The following SEL1L3 variants were observed in gnomAD, a reference collection of about 807,000 sequenced individuals.
The protein encoded by SEL1L3 is SEL1L family member 3.
In SEL1L3, 76 loss-of-function variants were observed where a neutral mutation model predicts 142.8. The ratio of observed to expected loss-of-function variants is 0.53; its 90% confidence interval spans 0.44 to 0.64. SEL1L3 has a LOEUF of 0.64. SEL1L3 is among the 30% of genes least tolerant of loss of function. The pLI, the probability that SEL1L3 is intolerant of heterozygous loss-of-function variation, is 0.00. For synonymous variants in SEL1L3, 504 were observed against 519.6 expected (o/e 0.97, Z 0.41); for missense variants, 1,262 against 1,381.7 (o/e 0.91, Z 1.37).
intron 4 of SEL1L3, 57 bp from the exon 5 acceptor site, chr4:25,833,167 A>G: frequency 1.0e-6 from 1 of 995,294 alleles, no homozygotes; most frequent in Non-Finnish European, 1.6e-6. Flanking sequence ...GAGTGAATGA[A>G]GTAGCTAGGC....
Position 25,755,466 on chromosome 4 carries a change from G to A in SEL1L3, c.3259+2068C>T, listed in dbSNP as rs77843280. Among the ~76,000 whole-genome samples, 424 of 152,094 alleles carry A rather than the reference G, an allele frequency of 2.8e-3. 18 individuals carry two copies. In the East Asian group the frequency reaches 0.058, roughly 21 times the overall value. The stretch of plus-strand genomic sequence containing the variant: ...CCTCTCTGCCTCAGTTTCCTCATCT[G>A]TAAAGTAAAGGGCATAGAATTAAAT... On this transcript the variant is annotated intron_variant, in intron 23 of 23. Coordinates refer to ENST00000399878, the MANE Select transcript of SEL1L3 (RefSeq NM_015187.5).
chr4:25,795,848 AG>A (rs1712698907), intron 11 of SEL1L3, among the ~76,000 whole-genome samples: 1 of 152,106 alleles, frequency 6.6e-6, no homozygotes, highest in Non-Finnish European at 1.5e-5. Context: ...GACCTTTAAA[AG>A]GAAAGTGTTC....
At chr4:25,839,977 CT>C (rs992691373) in intron 2 of SEL1L3, among the ~76,000 whole-genome samples, 1 of 152,102 alleles carries the variant, frequency 6.6e-6, no homozygotes, top group African/African-American at 2.4e-5. Context: ...AAAAATTCAA[CT>C]TTAAAAAAAG....
intron 16 of SEL1L3, chr4:25,777,754 C>G (rs1719731941): frequency 2.3e-6 from 1 of 444,344 alleles, no homozygotes; most frequent in African/African-American, 2.0e-5. Context: ...TAAAAAACTT[C>G]AAGTCAGTCT....
Position 25,847,294 on chromosome 4 carries a change from C to T in SEL1L3, c.733G>A (p.Asp245Asn), listed in dbSNP as rs748036148. Residue 245 changes from aspartate to asparagine, a missense_variant and splice_region_variant, in exon 2 of 24, where the codon GAT (aspartate) becomes AAT (asparagine). By Grantham distance (23) the Asp-to-Asn change is conservative (BLOSUM62 1). Coordinates refer to ENST00000399878, the MANE Select transcript of SEL1L3 (RefSeq NM_015187.5). ...NRIPQCPLENDVVALLGFPYA... is the reference protein window; with the variant it reads ...NRIPQCPLENNVVALLGFPYA... ...GTTCCTAGCAAGATAGATGACCTAC[C>T]ATTTTCCAGAGGACACTGTGGAATC... 1 of 1,606,072 alleles carries T rather than the reference C, an allele frequency of 6.2e-7. No homozygotes were observed. Among genetic ancestry groups the T allele is most frequent in the Middle Eastern group, 1.7e-4 (1 of 6,024 alleles).
In SEL1L3 at chr4:25,853,632, A is replaced by G. The variant is rs147378702; in HGVS notation, c.163-5768T>C. Among the ~76,000 whole-genome samples the G allele has an allele frequency of 1.7e-4, 26 of 151,328 alleles. 1 individual carries two copies. The highest frequency in any genetic ancestry group is 5.1e-4 in the African/African-American group (21 of 41,134). The stretch of plus-strand genomic sequence containing the variant: ...TTGGATACACTGAGTTAAATAAAAT[A>G]CATTAATATTCATTATGCCTGCTCT... On this transcript the variant is annotated intron_variant, in intron 1 of 23. Coordinates refer to ENST00000399878, the MANE Select transcript of SEL1L3 (RefSeq NM_015187.5).
At chr4:25,831,601 C>T (rs1173239793) in intron 5 of SEL1L3, among the ~76,000 whole-genome samples, 2 of 151,086 alleles carry the variant, frequency 1.3e-5, no homozygotes, top group African/African-American at 4.9e-5. Flanking sequence ...TCTTAGCTCA[C>T]TGCAACCTCC....
intron 1 of SEL1L3, among the ~76,000 whole-genome samples, chr4:25,848,590 A>C (rs1197824443): frequency 6.6e-6 from 1 of 152,256 alleles, no homozygotes; most frequent in Non-Finnish European, 1.5e-5. Context: ...GTGAGTGCTA[A>C]GAGCTCTCCT....
intron 5 of SEL1L3, among the ~76,000 whole-genome samples, chr4:25,832,373 A>G (rs1338110208): frequency 6.6e-6 from 1 of 152,260 alleles, no homozygotes; most frequent in Non-Finnish European, 1.5e-5. Context: ...ATATTGAGAA[A>G]TAGAACTGTC....
chr4:25,862,507 C>G (rs1717790442), intron 1 of SEL1L3, among the ~76,000 whole-genome samples, 168 bp downstream of exon 1: 2 of 152,116 alleles, frequency 1.3e-5, no homozygotes, highest in South Asian at 4.1e-4. Context: ...CTCTCCACGC[C>G]CGGGGTACCT....
intron 15 of SEL1L3, among the ~76,000 whole-genome samples, chr4:25,779,791 G>A (rs979433283): frequency 6.6e-6 from 1 of 152,148 alleles, no homozygotes; most frequent in African/African-American, 2.4e-5. Context: ...ATTTTTCTGA[G>A]GCAGTTGGCT....
intron 6 of SEL1L3, 125 bp from the exon 7 acceptor site, chr4:25,822,253 G>T: frequency 8.9e-7 from 1 of 1,123,700 alleles, no homozygotes; most frequent in Non-Finnish European, 1.3e-6. Context: ...CTGAGTTTTA[G>T]CAGATGAGAC....
intron 12 of SEL1L3, among the ~76,000 whole-genome samples, chr4:25,789,267 T>A (rs994173904): frequency 3.3e-5 from 5 of 151,990 alleles, no homozygotes; most frequent in Admixed American, 2.6e-4. Context: ...AAGACCCCTA[T>A]AGAGAGGAGG....
chr4:25,771,776 A>T (rs1180215685), intron 17 of SEL1L3, among the ~76,000 whole-genome samples: 1 of 152,198 alleles, frequency 6.6e-6, no homozygotes, highest in Non-Finnish European at 1.5e-5. Context: ...GATAAAACAC[A>T]TGTAGGGGTA....
chr4:25,764,968 T>C (rs1172545073), intron 20 of SEL1L3, among the ~76,000 whole-genome samples: 1 of 152,112 alleles, frequency 6.6e-6, no homozygotes, highest in African/African-American at 2.4e-5. Flanking sequence ...AATTCTGGTT[T>C]TGCAAATTCA....
intron 13 of SEL1L3, among the ~76,000 whole-genome samples, chr4:25,785,652 C>T (rs1363431014): frequency 6.6e-6 from 1 of 152,080 alleles, no homozygotes; most frequent in African/African-American, 2.4e-5. Flanking sequence ...AGAATGGCAC[C>T]ACTGCTTCAT....
chr4:25,731,494 T>C, the SEL1L3 span, among the ~76,000 whole-genome samples: 1 of 152,204 alleles, frequency 6.6e-6, no homozygotes, highest in Non-Finnish European at 1.5e-5. Context: ...CTTCCCTCCC[T>C]GCCTTCTACC....
chr4:25,757,487 CT>C (rs11352729), intron 23 of SEL1L3, 46 bp downstream of exon 23: 377,333 of 815,852 alleles, frequency 0.46, 43,020 homozygotes, highest in East Asian at 0.55. Context: ...AAAATCCCTG[CT>C]TTTTTTTTTT....
chr4:25,751,482 G>A (rs1329373758), intron 23 of SEL1L3, among the ~76,000 whole-genome samples: 1 of 151,894 alleles, frequency 6.6e-6, no homozygotes, highest in Non-Finnish European at 1.5e-5. Flanking sequence ...TCTGCTATCA[G>A]GCTGGTGACT....
Sources: allele counts gnomAD v4.1 joint callset (sites outside exome capture counted in the v4.1 genomes callset), GRCh38; gene constraint gnomAD v4.1.1; transcripts MANE v1.5; gene names NCBI Gene and HGNC (gene_info 2026-07-23, HGNC 2026-07-21).